The following SLC38A1 variants were observed in gnomAD, a reference collection of about 807,000 sequenced individuals.
The protein encoded by SLC38A1 is sodium-coupled neutral amino acid symporter 1.
A neutral mutation model predicts 60.3 loss-of-function variants in SLC38A1; 18 were observed. That is an observed-to-expected ratio of 0.30 (90% CI 0.21 to 0.44). The LOEUF (loss-of-function observed/expected upper bound fraction) is 0.44, where lower values mean the gene tolerates loss of function less well. Ranked by LOEUF, SLC38A1 falls within the 20% of genes least tolerant of loss-of-function variation. The pLI, the probability that SLC38A1 is intolerant of heterozygous loss-of-function variation, is 1.00. For synonymous variants in SLC38A1, 196 were observed against 212.1 expected (o/e 0.92, Z 0.66); for missense variants, 448 against 587.2 (o/e 0.76, Z 2.45).
chr12:46,268,310 G>C lies in SLC38A1; in HGVS notation c.-209+216C>G, dbSNP rs780198641. Among the ~76,000 whole-genome samples the C allele has an allele frequency of 6.0e-4, 92 of 152,206 alleles. No homozygotes were observed. The highest frequency in any genetic ancestry group is 1.3e-4 in the Non-Finnish European group (9 of 68,032). ...AGCCCACGCAAAGGTGAACTCGGGGGCCCTGGCGCTTCCTCCCGCTGCCGC... is the reference window on the plus strand; with the variant it reads ...AGCCCACGCAAAGGTGAACTCGGGGCCCCTGGCGCTTCCTCCCGCTGCCGC... On this transcript the variant is annotated intron_variant, in intron 1 of 16. Coordinates refer to ENST00000398637, the MANE Select transcript of SLC38A1 (RefSeq NM_030674.4). This position sits in a 1 kb window ranked among gnomAD's most constrained non-coding sequence, Gnocchi z 4.4.
chr12:46,251,104 G>C (rs1592147114), intron 1 of SLC38A1, among the ~76,000 whole-genome samples: 1 of 152,190 alleles, frequency 6.6e-6, no homozygotes, highest in African/African-American at 2.4e-5. Flanking sequence ...ATGCTACAAG[G>C]CTACAGTAAT....
chr12:46,237,396 T>C (rs1941296859), intron 3 of SLC38A1, among the ~76,000 whole-genome samples: 1 of 148,790 alleles, frequency 6.7e-6, no homozygotes, highest in Non-Finnish European at 1.5e-5. Flanking sequence ...CTTTATTAGC[T>C]TCATGCTATA....
At chr12:46,246,179 G>C (rs1941608782) in intron 1 of SLC38A1, among the ~76,000 whole-genome samples, 1 of 152,200 alleles carries the variant, frequency 6.6e-6, no homozygotes, top group Non-Finnish European at 1.5e-5. Context: ...AGCCCACAGA[G>C]GGTGAGGCGA....
At chr12:46,209,493 C>T (rs561703490) in intron 5 of SLC38A1, among the ~76,000 whole-genome samples, 34 of 152,102 alleles carry the variant, frequency 2.2e-4, no homozygotes, top group African/African-American at 7.0e-4. Flanking sequence ...GTGGGAGGGG[C>T]GGAGGGAAAG....
chr12:46,265,497 T>C (rs973316849), intron 1 of SLC38A1, among the ~76,000 whole-genome samples: 10 of 152,146 alleles, frequency 6.6e-5, no homozygotes, highest in African/African-American at 2.4e-4. Flanking sequence ...CACACAGATA[T>C]TGAAGCAGAA....
intron 3 of SLC38A1, among the ~76,000 whole-genome samples, chr12:46,238,501 T>G (rs1266255092): frequency 6.6e-6 from 1 of 152,204 alleles, no homozygotes; most frequent in African/African-American, 2.4e-5. Flanking sequence ...CCCAATTTCC[T>G]TTTGACCCTC....
rs565055945 is a variant in SLC38A1 at position 46,268,833 on chromosome 12, A to G, written c.-516T>C. The G allele has an allele frequency of 3.1e-5, 14 of 448,120 alleles. No homozygotes were observed. In the Admixed American group the frequency reaches 3.3e-4, roughly 11 times the overall value. The allele number at this position is 448,120 out of a possible 1,614,324, so 27.8% of individuals were successfully genotyped here. A position where few individuals can be genotyped will look rare whatever the true frequency, so the allele number is the denominator to read the frequency against. On this transcript the variant is annotated 5_prime_UTR_variant, in exon 1 of 17. Coordinates refer to ENST00000398637, the MANE Select transcript of SLC38A1 (RefSeq NM_030674.4). The surrounding 1 kb of genome is among the most constrained non-coding windows in gnomAD (Gnocchi z 4.4). Reference sequence around the variant, plus strand: ...GAATCTCCCCTCACCACCAACCCCCACTCACACTCTGCTCGCCGGCCTCGC... The same window carrying G: ...GAATCTCCCCTCACCACCAACCCCCGCTCACACTCTGCTCGCCGGCCTCGC...
intron 16 of SLC38A1, 73 bp downstream of exon 16, chr12:46,197,647 G>A: frequency 1.0e-6 from 1 of 961,978 alleles, no homozygotes; most frequent in Non-Finnish European, 1.6e-6. Context: ...TTGATAGAGA[G>A]GTGGACTATT....
At chr12:46,251,014 C>A (rs1941818602) in intron 1 of SLC38A1, among the ~76,000 whole-genome samples, 1 of 152,028 alleles carries the variant, frequency 6.6e-6, no homozygotes, top group South Asian at 2.1e-4. Context: ...CATATGGAAC[C>A]AAAAAAGAGC....
intron 13 of SLC38A1, among the ~76,000 whole-genome samples, chr12:46,200,183 T>C (rs768129175): frequency 6.6e-6 from 1 of 152,214 alleles, no homozygotes; most frequent in South Asian, 2.1e-4. Context: ...GTGGTATTTA[T>C]GAATTCATTA....
chr12:46,254,547 T>TTG (rs1941960686), intron 1 of SLC38A1, among the ~76,000 whole-genome samples: 1 of 152,236 alleles, frequency 6.6e-6, no homozygotes, highest in South Asian at 2.1e-4. Context: ...GAACCAAGCC[T>TTG]TGCAATGAGT....
At chr12:46,217,971 T>C (rs1466154433) in intron 5 of SLC38A1, among the ~76,000 whole-genome samples, 9 of 152,238 alleles carry the variant, frequency 5.9e-5, no homozygotes, top group Non-Finnish European at 1.2e-4. Flanking sequence ...AAAATAAATA[T>C]GCATTGCTGA....
chr12:46,263,417 AAAATTCTAAGTG>A (rs559975021), intron 1 of SLC38A1, among the ~76,000 whole-genome samples: 294 of 152,340 alleles, frequency 1.9e-3, no homozygotes, highest in African/African-American at 6.7e-3. Flanking sequence ...GCCAGAAATC[AAAATTCTAAGTG>A]AAATTCTGAT....
chr12:46,185,496 G>A lies in SLC38A1; in HGVS notation c.*3474C>T, dbSNP rs935998217. On this transcript the variant is annotated 3_prime_UTR_variant, in exon 17 of 17. Transcript: ENST00000398637. ...GGTTTTTTTTTCCCCCTTTTTTCTT[G>A]TTTTCTAACCTCCCAGCTTATTCCT... is the stretch of plus-strand genomic sequence containing the variant. The A allele has an allele frequency of 6.6e-6, 1 of 150,892 alleles. No homozygotes were observed. The highest frequency in any genetic ancestry group is 1.5e-5 in the Non-Finnish European group (1 of 67,772). 9.3% of individuals were successfully genotyped at this position (150,892 alleles called of 1,614,324 possible). A position where few individuals can be genotyped will look rare whatever the true frequency, so the allele number is the denominator to read the frequency against.
intron 8 of SLC38A1, among the ~76,000 whole-genome samples, chr12:46,206,484 A>G (rs968462815): frequency 1.3e-5 from 2 of 151,976 alleles, no homozygotes; most frequent in African/African-American, 4.8e-5. Context: ...AACTTGTCCT[A>G]TCAATTATTT....
intron 8 of SLC38A1, 86 bp downstream of exon 8, chr12:46,207,069 A>G: frequency 2.2e-6 from 2 of 890,398 alleles, no homozygotes; most frequent in African/African-American, 1.7e-5. Context: ...AACTTTCTGC[A>G]ATATTCACAA....
At chr12:46,261,215 C>T (rs1850692426) in intron 1 of SLC38A1, among the ~76,000 whole-genome samples, 1 of 152,182 alleles carries the variant, frequency 6.6e-6, no homozygotes, top group African/African-American at 2.4e-5. Context: ...TTCTGTGATG[C>T]CTTTCTCCAA....
chr12:46,261,937 G>A (rs1942209241), intron 1 of SLC38A1, among the ~76,000 whole-genome samples: 1 of 152,194 alleles, frequency 6.6e-6, no homozygotes, highest in African/African-American at 2.4e-5. Context: ...AGTTGAGAAA[G>A]ACCAGGGATG....
In SLC38A1 at chr12:46,209,363, C is replaced by T. The variant is rs374170178; in HGVS notation, c.315-236G>A. Among the ~76,000 whole-genome samples, 5 of 152,198 alleles carry T rather than the reference C, an allele frequency of 3.3e-5. No individual in the cohort carries two copies. The East Asian group carries it at 9.6e-4, about 29-fold the overall frequency. ...TCAAATCCTTTATGTAATTCGAAGC[C>T]CAAATAGCTCTCTGGGAGCATTTCG... On this transcript the variant is annotated intron_variant, in intron 5 of 16. Transcript: ENST00000398637.
Sources: allele counts gnomAD v4.1 joint callset (sites outside exome capture counted in the v4.1 genomes callset), GRCh38; gene constraint gnomAD v4.1.1; non-coding constraint Gnocchi (gnomAD v3.1); transcripts MANE v1.5; gene names NCBI Gene and HGNC (gene_info 2026-07-23, HGNC 2026-07-21).